The following EVC2 variants were observed in gnomAD, a reference collection of about 807,000 sequenced individuals.
EVC2 encodes the protein EvC ciliary complex subunit 2.
Under a neutral mutation model 149.3 loss-of-function variants are expected in EVC2, and 148 were observed. That is an observed-to-expected ratio of 0.99 (90% CI 0.87 to 1.14). EVC2 has a LOEUF of 1.14. Ranked by LOEUF, EVC2 falls within the 50% of genes most tolerant of loss-of-function variation. EVC2 has a pLI of 0.00. For missense variants in EVC2, 1,854 were observed against 1,627.3 expected, an observed-to-expected ratio of 1.14 and a Z score of -2.40; for synonymous variants, 776 against 649.9, an observed-to-expected ratio of 1.19 and a Z score of -2.95.
chr4:5,656,457 G>A (rs1049262439), intron 9 of EVC2, among the ~76,000 whole-genome samples: 1 of 152,306 alleles, frequency 6.6e-6, no homozygotes, highest in East Asian at 1.9e-4. Flanking sequence ...GACCTTCGAA[G>A]GGAAAAGGGC....
chr4:5,536,378 A>G, the EVC2 span, among the ~76,000 whole-genome samples: 30 of 152,330 alleles, frequency 2.0e-4, no homozygotes, highest in South Asian at 4.1e-4. Context: ...TAGAAGCAAT[A>G]AGGGAAAATA....
chr4:5,640,423 G>C lies in EVC2; in HGVS notation c.1470+91C>G. The C allele has an allele frequency of 6.8e-7, 1 of 1,460,696 alleles. No individual in the cohort carries two copies. The highest frequency in any genetic ancestry group is 2.3e-5 in the East Asian group (1 of 44,214). The allele number at this position is 1,460,696 out of a possible 1,614,324, so 90.5% of individuals were successfully genotyped here. ...ATGGATGATGGGTAGACGGATGGAGGAGGCAAATGGACAGATGAGTGGGTA... is the reference window on the plus strand; with the variant it reads ...ATGGATGATGGGTAGACGGATGGAGCAGGCAAATGGACAGATGAGTGGGTA... On this transcript the variant is annotated intron_variant, in intron 10 of 21. Coordinates refer to ENST00000344408, the MANE Select transcript of EVC2 (RefSeq NM_147127.5). This position sits in a 1 kb window ranked among gnomAD's most constrained non-coding sequence, Gnocchi z 4.6.
At chr4:5,596,609 A>T (rs988324567) in intron 16 of EVC2, among the ~76,000 whole-genome samples, 1 of 152,248 alleles carries the variant, frequency 6.6e-6, no homozygotes, top group Non-Finnish European at 1.5e-5. Flanking sequence ...CGCCCACAAG[A>T]GAAAGCAGGA....
intron 21 of EVC2, among the ~76,000 whole-genome samples, chr4:5,550,859 C>T (rs1040240644): frequency 6.6e-6 from 1 of 152,250 alleles, no homozygotes; most frequent in Non-Finnish European, 1.5e-5. Flanking sequence ...GCTGCTCCAG[C>T]CATGGCTGAA....
intron 3 of EVC2, among the ~76,000 whole-genome samples, chr4:5,693,827 C>T (rs1394619109): frequency 6.6e-6 from 1 of 152,208 alleles, no homozygotes; most frequent in Non-Finnish European, 1.5e-5. Context: ...GGAGCTCTGC[C>T]ACTTCTACCT....
chr4:5,549,773 C>T (rs904685095), intron 21 of EVC2, among the ~76,000 whole-genome samples: 1 of 152,154 alleles, frequency 6.6e-6, no homozygotes, highest in African/African-American at 2.4e-5. Context: ...ACAACAGGCC[C>T]TGCTCACTCT....
At position 5,622,830 on chromosome 4, in the gene EVC2, G is replaced by A; in HGVS notation, c.2208C>T (p.Leu736=). 1 of 1,614,072 alleles carries A rather than the reference G, an allele frequency of 6.2e-7. No individual in the cohort carries two copies. The highest frequency in any genetic ancestry group is 8.5e-7 in the Non-Finnish European group (1 of 1,180,038). The change falls in exon 14 of 22, where the codon CTC becomes CTT. Residue 736 remains leucine (L), a synonymous_variant. Transcript: ENST00000344408. The surrounding 1 kb of genome is among the most constrained non-coding windows in gnomAD (Gnocchi z 5.8). ...ERLDQAALDD[L]RTLTLSLFEK... ...CAAACAGCGAAAGGGTCAGGGTCCTGAGATCGTCCAGGGCGGCCTGGTCCA... is the reference window on the plus strand; with the variant it reads ...CAAACAGCGAAAGGGTCAGGGTCCTAAGATCGTCCAGGGCGGCCTGGTCCA...
At chr4:5,617,237 T>C (rs1012642910) in intron 15 of EVC2, among the ~76,000 whole-genome samples, 1 of 152,178 alleles carries the variant, frequency 6.6e-6, no homozygotes, top group African/African-American at 2.4e-5. Flanking sequence ...AAACACCAGC[T>C]CCCAGCCCAG....
At chr4:5,693,562 C>A (rs1259200494) in intron 3 of EVC2, among the ~76,000 whole-genome samples, 2 of 152,218 alleles carry the variant, frequency 1.3e-5, no homozygotes, top group African/African-American at 2.4e-5. Flanking sequence ...GGGAGCGTGG[C>A]CCCACCAGCA....
chr4:5,651,712 T>C (rs13134950), intron 9 of EVC2, among the ~76,000 whole-genome samples: 12,875 of 152,308 alleles, frequency 0.085, 682 homozygotes, highest in East Asian at 0.13. Context: ...AACCAACACC[T>C]GGGCTTTCTG....
At chr4:5,542,985 C>T (rs938926119) in intron 22 of EVC2, 5 of 430,588 alleles carry the variant, frequency 1.2e-5, no homozygotes, top group Admixed American at 3.4e-5. Flanking sequence ...CACACTTCTC[C>T]CCTCCACCCA....
At chr4:5,552,994 G>C (rs73072215) in intron 21 of EVC2, among the ~76,000 whole-genome samples, 384 of 152,302 alleles carry the variant, frequency 2.5e-3, no homozygotes, top group African/African-American at 7.7e-3. Context: ...GTGTGTGATA[G>C]ATCAGCTAGA....
rs530285914 is a variant in EVC2 at position 5,622,366 on chromosome 4, T to C, written c.2501+171A>G. On this transcript the variant is annotated intron_variant, in intron 14 of 21. Coordinates refer to ENST00000344408, the MANE Select transcript of EVC2 (RefSeq NM_147127.5). The surrounding 1 kb of genome is among the most constrained non-coding windows in gnomAD (Gnocchi z 5.8). ...AATCCTTGTAGGGTCCTGCGTGACATTCGAGGTCCTCCCCCCGGGGCGTTG... is the reference window on the plus strand; with the variant it reads ...AATCCTTGTAGGGTCCTGCGTGACACTCGAGGTCCTCCCCCCGGGGCGTTG... 2.0e-4 allele frequency among the ~76,000 whole-genome samples: 31 copies of C among 152,116 alleles called. No individual in the cohort carries two copies. Among genetic ancestry groups the C allele is most frequent in the African/African-American group, 7.0e-4 (29 of 41,490 alleles).
intron 17 of EVC2, among the ~76,000 whole-genome samples, chr4:5,578,124 C>G (rs1723046302): frequency 6.6e-6 from 1 of 152,208 alleles, no homozygotes; most frequent in Admixed American, 6.5e-5. Context: ...CCACCTGGAA[C>G]AACTTGAATC....
At position 5,637,437 on chromosome 4, in the gene EVC2, G is replaced by C. The variant is rs565040403; in HGVS notation, c.1470+3077C>G. On this transcript the variant is annotated intron_variant, in intron 10 of 21. Transcript: ENST00000344408. This position sits in a 1 kb window ranked among gnomAD's most constrained non-coding sequence, Gnocchi z 4.4. The stretch of plus-strand genomic sequence containing the variant: ...CTCTCAGTCCCTACCTCACTGAGTT[G>C]TTGTGAACGCTAAAGAGAGTCAATG... Among the ~76,000 whole-genome samples the C allele has an allele frequency of 4.3e-4, 66 of 152,246 alleles. 1 individual carries two copies. Among genetic ancestry groups the C allele is most frequent in the Non-Finnish European group, 8.1e-4 (55 of 68,014 alleles).
chr4:5,630,846 C>A (rs567700454), intron 11 of EVC2, among the ~76,000 whole-genome samples: 1 of 152,166 alleles, frequency 6.6e-6, no homozygotes, highest in Admixed American at 6.5e-5. Flanking sequence ...TATTGACAGT[C>A]GGAATAGAAA....
chr4:5,555,470 C>T (rs1721822179), intron 21 of EVC2, among the ~76,000 whole-genome samples: 1 of 152,006 alleles, frequency 6.6e-6, no homozygotes, highest in African/African-American at 2.4e-5. Flanking sequence ...AAAGATATAC[C>T]TTGCTAACAC....
intron 9 of EVC2, among the ~76,000 whole-genome samples, chr4:5,659,157 G>T (rs769885732): frequency 6.6e-6 from 1 of 152,168 alleles, no homozygotes; most frequent in Non-Finnish European, 1.5e-5. Context: ...CTCTCATGGG[G>T]CTTGAAATGA....
At chr4:5,708,225 CG>C in intron 1 of EVC2, 60 bp downstream of exon 1, 1 of 1,367,892 alleles carries the variant, frequency 7.3e-7, no homozygotes, top group Non-Finnish European at 9.6e-7. Context: ...CTGCCACCGC[CG>C]GTGTAGACAA....
Sources: allele counts gnomAD v4.1 joint callset (sites outside exome capture counted in the v4.1 genomes callset), GRCh38; gene constraint gnomAD v4.1.1; non-coding constraint Gnocchi (gnomAD v3.1); transcripts MANE v1.5; gene names NCBI Gene and HGNC (gene_info 2026-07-23, HGNC 2026-07-21).